ALPL: variants seen among roughly 807,000 people sequenced by gnomAD.
ALPL encodes alkaline phosphatase, tissue-nonspecific isozyme.
ALPL carries 42 observed loss-of-function variants against 51.3 expected under a neutral mutation model. The observed-to-expected ratio is 0.82, with a 90% confidence interval of 0.64 to 1.06. ALPL has a LOEUF of 1.06. Ranked by LOEUF, ALPL falls within the 50% of genes least tolerant of loss-of-function variation. The pLI is 0.00. For synonymous variants in ALPL, 279 were observed against 296.4 expected (o/e 0.94, Z 0.60); for missense variants, 589 against 709.4 (o/e 0.83, Z 1.93).
At chr1:21,570,429 C>A (rs1253553956) in intron 8 of ALPL, 55 bp downstream of exon 8, 8 of 1,572,912 alleles carry the variant, frequency 5.1e-6, no homozygotes, top group Non-Finnish European at 7.0e-6. Context: ...GTGGCCGGAG[C>A]TGCGTGTGGC....
chr1:21,569,860 T>G (rs1330178042), intron 7 of ALPL, among the ~76,000 whole-genome samples: 2 of 152,140 alleles, frequency 1.3e-5, no homozygotes, highest in Non-Finnish European at 2.9e-5. Flanking sequence ...GAGCTGGGGC[T>G]TTGCTTCCTC....
chr1:21,570,627 C>T (rs954347578), intron 8 of ALPL, among the ~76,000 whole-genome samples: 9 of 152,174 alleles, frequency 5.9e-5, no homozygotes, highest in Admixed American at 1.3e-4. Context: ...GGGAGTGGCC[C>T]GCGGCATGTG....
At chr1:21,557,561 A>G (rs1358231560) in intron 2 of ALPL, among the ~76,000 whole-genome samples, 1 of 152,250 alleles carries the variant, frequency 6.6e-6, no homozygotes, top group Non-Finnish European at 1.5e-5. Context: ...AAGTGACAAC[A>G]TGAAAAATCT....
chr1:21,562,194 G>T (rs1362145809), intron 4 of ALPL, among the ~76,000 whole-genome samples: 1 of 152,168 alleles, frequency 6.6e-6, no homozygotes, highest in Non-Finnish European at 1.5e-5. Flanking sequence ...ATAGCATTAT[G>T]TCTAAAAAAA....
rs1371372384 is a variant in ALPL at position 21,555,143 on chromosome 1, C to T, written c.61+1001C>T. Among the ~76,000 whole-genome samples, 3 of 146,582 alleles carry T rather than the reference C, an allele frequency of 2.0e-5. No homozygotes were observed. The East Asian group carries it at 6.0e-4, about 29-fold the overall frequency. On this transcript the variant is annotated intron_variant, in intron 2 of 11. Transcript: ENST00000374840. ...AAAATTACAGTCAAAGGGGGGTTCT[C>T]TGGCGGGCAGGAGTGGGGGTCACAA...
chr1:21,570,251 T>A (rs1373111332), intron 7 of ALPL, 54 bp from the exon 8 acceptor site: 1 of 1,566,296 alleles, frequency 6.4e-7, no homozygotes, highest in African/African-American at 1.4e-5. Context: ...CTGGGGTCAG[T>A]CCTTCCGACT....
chr1:21,510,017 G>A (rs1200892492), intron 1 of ALPL, among the ~76,000 whole-genome samples: 1 of 152,206 alleles, frequency 6.6e-6, no homozygotes, highest in African/African-American at 2.4e-5. Context: ...TGGTTTGGGA[G>A]GAGGAGAGGG....
At chr1:21,523,974 C>T (rs559167801) in intron 1 of ALPL, among the ~76,000 whole-genome samples, 13 of 150,804 alleles carry the variant, frequency 8.6e-5, no homozygotes, top group African/African-American at 2.0e-4. Context: ...CTAACCTCCC[C>T]AAAGGGTAGA....
At chr1:21,515,745 C>T (rs1643785089) in intron 1 of ALPL, among the ~76,000 whole-genome samples, 1 of 152,204 alleles carries the variant, frequency 6.6e-6, no homozygotes, top group Non-Finnish European at 1.5e-5. Context: ...TTTACTAGGT[C>T]AGTAAAGCCA....
At chr1:21,565,280 T>C (rs1644547032) in intron 6 of ALPL, among the ~76,000 whole-genome samples, 1 of 152,184 alleles carries the variant, frequency 6.6e-6, no homozygotes, top group Admixed American at 6.5e-5. Flanking sequence ...ACAGTGCTGT[T>C]GGCCCCTTTC....
At chr1:21,539,779 C>T (rs1203496707) in intron 1 of ALPL, among the ~76,000 whole-genome samples, 20 of 151,962 alleles carry the variant, frequency 1.3e-4, no homozygotes, top group East Asian at 1.9e-4. Flanking sequence ...CTCAGCCTCC[C>T]GAGTAGCTGG....
intron 9 of ALPL, 91 bp from the exon 10 acceptor site, chr1:21,575,642 C>A: frequency 6.6e-7 from 1 of 1,513,350 alleles, no homozygotes; most frequent in Non-Finnish European, 9.2e-7. Context: ...CCCTAGCTAA[C>A]AAAGGTTAAT....
At chr1:21,533,632 A>C (rs964350405) in intron 1 of ALPL, among the ~76,000 whole-genome samples, 4 of 152,130 alleles carry the variant, frequency 2.6e-5, no homozygotes, top group Non-Finnish European at 5.9e-5. Flanking sequence ...TCAGAAGATT[A>C]GACTGGGTCT....
intron 1 of ALPL, among the ~76,000 whole-genome samples, chr1:21,540,221 C>T (rs952685453): frequency 6.6e-6 from 1 of 152,154 alleles, no homozygotes; most frequent in Admixed American, 6.5e-5. Flanking sequence ...AGCCATGCTC[C>T]GCCCCCGACC....
At chr1:21,568,379 G>A (rs945187296) in intron 7 of ALPL, 132 bp downstream of exon 7, 1 of 1,236,608 alleles carries the variant, frequency 8.1e-7, no homozygotes, top group Admixed American at 2.2e-5. Flanking sequence ...GGCTCAAATG[G>A]CCTAAGAGAT....
intron 1 of ALPL, among the ~76,000 whole-genome samples, chr1:21,528,234 G>A (rs1414321673): frequency 2.0e-5 from 3 of 151,768 alleles, no homozygotes; most frequent in African/African-American, 7.3e-5. Context: ...TGCCCAGGCT[G>A]GTCTCGAACT....
intron 1 of ALPL, among the ~76,000 whole-genome samples, chr1:21,516,385 G>T (rs938603981): frequency 3.3e-5 from 5 of 151,888 alleles, no homozygotes; most frequent in Non-Finnish European, 7.4e-5. Flanking sequence ...GCCTCATTCC[G>T]CTGGTCCCTG....
intron 1 of ALPL, among the ~76,000 whole-genome samples, chr1:21,510,729 T>A (rs2148047476): frequency 6.6e-6 from 1 of 152,344 alleles, no homozygotes; most frequent in East Asian, 1.9e-4. Context: ...CGGCTCCTCC[T>A]GGGCTCAGCC....
At position 21,514,320 on chromosome 1, in the gene ALPL, A is replaced by G. The variant is rs1200631626; in HGVS notation, c.-105+4803A>G. On this transcript the variant is annotated intron_variant, in intron 1 of 11. Coordinates refer to ENST00000374840, the MANE Select transcript of ALPL (RefSeq NM_000478.6). ...CCCCTGCAGGGAAGAGACTCCCTTGACAGCTTCCACCTTACCCCTTGCTCC... is the reference window on the plus strand; with the variant it reads ...CCCCTGCAGGGAAGAGACTCCCTTGGCAGCTTCCACCTTACCCCTTGCTCC... 2.6e-5 allele frequency among the ~76,000 whole-genome samples: 4 copies of G among 152,128 alleles called. No individual in the cohort carries two copies. In the East Asian group the frequency reaches 7.7e-4, roughly 29 times the overall value.
Sources: gnomAD v4.1 joint callset for allele counts (sites outside exome capture counted in the v4.1 genomes callset) on GRCh38, gnomAD v4.1.1 for gene constraint, MANE v1.5 for transcripts, NCBI Gene and HGNC (gene_info 2026-07-23, HGNC 2026-07-21) for gene names.